The following NXPE1 variants were observed in gnomAD, a reference collection of about 807,000 sequenced individuals.
NXPE1 encodes the protein neurexophilin and PC-esterase domain family member 1.
NXPE1 carries 31 observed loss-of-function variants against 33.3 expected under a neutral mutation model. That is an observed-to-expected ratio of 0.93 (90% CI 0.70 to 1.26). The LOEUF (loss-of-function observed/expected upper bound fraction) is 1.26. NXPE1 is among the 50% of genes most tolerant of loss of function. The pLI, the probability that NXPE1 is intolerant of heterozygous loss-of-function variation, is 0.00. For synonymous variants in NXPE1, 229 were observed against 231.4 expected (o/e 0.99, Z 0.09); for missense variants, 661 against 655.6 (o/e 1.01, Z -0.09).
chr11:114,522,423 G>A lies in NXPE1; in HGVS notation c.1189C>T (p.Gln397Ter). The change falls in exon 9 of 9, where the codon CAA becomes TAA. Residue 397 changes from glutamine (Q) to a stop codon, truncating the protein, a stop_gained. Transcript: ENST00000534921. LOFTEE classifies it low-confidence loss of function (END_TRUNC). ...AAGGGATAGCTATGTTTTTTCCATT[G>A]AATCTGAGTGTGTCTTTCTGCATCC... 1 of 1,613,902 alleles carries A rather than the reference G, an allele frequency of 6.2e-7. No individual in the cohort carries two copies.
In NXPE1 at chr11:114,530,662, C is replaced by T. The variant is rs1483912189; in HGVS notation, c.346G>A (p.Asp116Asn). 3.1e-6 allele frequency: 5 copies of T among 1,614,180 alleles called. No individual in the cohort carries two copies. The East Asian group carries it at 1.1e-4, about 36-fold the overall frequency. ...ACCTCCAGTAGGATGTCCAGCTGGT[C>T]TCCCCTGCAGTATGTATCTCGAGGG... is the stretch of plus-strand genomic sequence containing the variant. The change falls in exon 6 of 9, where the codon GAC (aspartate) becomes AAC (asparagine). Residue 116 changes from aspartate (D) to asparagine (N), a missense_variant. Asp to Asn is a conservative substitution (Grantham distance 23, BLOSUM62 1). Coordinates refer to ENST00000534921, the Ensembl canonical transcript of NXPE1.
At chr11:114,534,030 C>A (rs1052971178) in intron 5 of NXPE1, among the ~76,000 whole-genome samples, 1 of 152,186 alleles carries the variant, frequency 6.6e-6, no homozygotes, top group Non-Finnish European at 1.5e-5. Context: ...CTGGGAGGCA[C>A]CCCCCAGTAG....
chr11:114,534,747 A>C (rs1947731784), intron 5 of NXPE1, among the ~76,000 whole-genome samples: 1 of 152,198 alleles, frequency 6.6e-6, no homozygotes, highest in Admixed American at 6.5e-5. Flanking sequence ...AAAGAATAAA[A>C]AGAAACAAAG....
exon 9 of NXPE1, chr11:114,522,310 G>T: frequency 6.2e-7 from 1 of 1,614,062 alleles, no homozygotes; most frequent in Non-Finnish European, 8.5e-7. Context: ...AGGTGATGAC[G>T]ATGGCTGTGT....
At chr11:114,553,589 A>G (rs1330787395) in intron 1 of NXPE1, 6 of 381,394 alleles carry the variant, frequency 1.6e-5, no homozygotes, top group Non-Finnish European at 2.2e-5. Flanking sequence ...GGAACCCTTA[A>G]TCAAGATCAC....
intron 7 of NXPE1, among the ~76,000 whole-genome samples, chr11:114,525,355 T>C (rs1947336979): frequency 6.6e-6 from 1 of 151,778 alleles, no homozygotes; most frequent in African/African-American, 2.4e-5. Flanking sequence ...TTAAAACCTG[T>C]GAATATGTTG....
intron 5 of NXPE1, among the ~76,000 whole-genome samples, chr11:114,531,121 ATAT>A (rs1007823885): frequency 3.1e-4 from 47 of 151,760 alleles, no homozygotes; most frequent in African/African-American, 1.1e-3. Flanking sequence ...ATATTATTAT[ATAT>A]TATTATCAAT....
At chr11:114,551,104 T>G (rs769814273) in exon 5 of NXPE1, 2 of 1,487,350 alleles carry the variant, frequency 1.3e-6, no homozygotes, top group Non-Finnish European at 1.8e-6. Flanking sequence ...TGCTCCTACC[T>G]TTGTGAAGTT....
intron 5 of NXPE1, among the ~76,000 whole-genome samples, chr11:114,542,068 A>G (rs1948116870): frequency 6.6e-6 from 1 of 152,168 alleles, no homozygotes; most frequent in Non-Finnish European, 1.5e-5. Flanking sequence ...CCACTTTTGT[A>G]TGTTGAGATT....
At chr11:114,548,595 T>C (rs376400720) in intron 5 of NXPE1, among the ~76,000 whole-genome samples, 1 of 152,012 alleles carries the variant, frequency 6.6e-6, no homozygotes, top group East Asian at 1.9e-4. Flanking sequence ...ATAAAATCAA[T>C]TGGGTATTTT....
At chr11:114,523,782 A>T (rs189793162) in intron 7 of NXPE1, among the ~76,000 whole-genome samples, 2 of 152,144 alleles carry the variant, frequency 1.3e-5, no homozygotes, top group Non-Finnish European at 1.5e-5. Flanking sequence ...TTCTCCTGTC[A>T]TGTTTCCTTA....
exon 8 of NXPE1, chr11:114,522,973 A>C (rs997416218): frequency 1.2e-6 from 2 of 1,613,506 alleles, no homozygotes; most frequent in Non-Finnish European, 1.7e-6. Flanking sequence ...CATTTATCTT[A>C]ATTGTGTCTA....
At chr11:114,530,366 A>G (rs370543051) in exon 6 of NXPE1, 3 of 1,614,110 alleles carry the variant, frequency 1.9e-6, no homozygotes, top group Non-Finnish European at 2.5e-6. Flanking sequence ...TGAAGACATG[A>G]GAGGTGCCAT....
At chr11:114,519,723 C>T (rs955166010), downstream of NXPE1, among the ~76,000 whole-genome samples, 1 of 152,020 alleles carries the variant, frequency 6.6e-6, no homozygotes, top group South Asian at 2.1e-4. Flanking sequence ...TATTTGAACA[C>T]GTATTTGTCT....
At chr11:114,525,696 T>C (rs1947347554) in intron 7 of NXPE1, among the ~76,000 whole-genome samples, 1 of 152,226 alleles carries the variant, frequency 6.6e-6, no homozygotes, top group Non-Finnish European at 1.5e-5. Flanking sequence ...GTAAAACCTG[T>C]CACTGTTTGA....
exon 8 of NXPE1, chr11:114,522,959 C>T (rs773258158): frequency 1.9e-6 from 3 of 1,613,604 alleles, no homozygotes; most frequent in Non-Finnish European, 2.5e-6. Flanking sequence ...GCCTTTCAAA[C>T]AGCCATTTAT....
At chr11:114,533,658 G>A (rs535477365) in intron 5 of NXPE1, among the ~76,000 whole-genome samples, 23 of 152,350 alleles carry the variant, frequency 1.5e-4, no homozygotes, top group South Asian at 8.3e-4. Flanking sequence ...TGGCTCAGAG[G>A]GTCCTACGCC....
In NXPE1 at chr11:114,547,562, C is replaced by T. The variant is rs1591297287; in HGVS notation, c.99+3541G>A. Among the ~76,000 whole-genome samples, 4 of 152,032 alleles carry T rather than the reference C, an allele frequency of 2.6e-5. No individual in the cohort carries two copies. In the South Asian group the frequency reaches 8.3e-4, roughly 32 times the overall value. On this transcript the variant is annotated intron_variant, in intron 5 of 8. Coordinates refer to ENST00000534921, the Ensembl canonical transcript of NXPE1. ...CCAGCCTGGCCAACATGGTGAAACG[C>T]ATCTCTCCCAAAAAATATAAAAATT...
chr11:114,529,111 T>C (rs1161046052), intron 6 of NXPE1: 7 of 301,038 alleles, frequency 2.3e-5, no homozygotes, highest in Non-Finnish European at 3.6e-5. Flanking sequence ...AAAAAGACTC[T>C]AAACTTGACT....
Sources: gnomAD v4.1 joint callset for allele counts (sites outside exome capture counted in the v4.1 genomes callset) on GRCh38, gnomAD v4.1.1 for gene constraint, MANE v1.5 for transcripts, NCBI Gene and HGNC (gene_info 2026-07-23, HGNC 2026-07-21) for gene names.